VPS13B: variants seen among roughly 807,000 people sequenced by gnomAD.
The protein encoded by VPS13B is vacuolar protein sorting 13 homolog B.
Under a neutral mutation model 426.4 loss-of-function variants are expected in VPS13B, and 285 were observed. The ratio of observed to expected loss-of-function variants is 0.67; its 90% confidence interval spans 0.61 to 0.74. VPS13B has a LOEUF of 0.74. Ranked by LOEUF, VPS13B falls within the 30% of genes least tolerant of loss-of-function variation. The pLI, the probability that VPS13B is intolerant of heterozygous loss-of-function variation, is 0.00. For synonymous variants in VPS13B, 1,676 were observed against 1,676.4 expected (o/e 1.00, Z 0.01); for missense variants, 4,537 against 4,782.6 (o/e 0.95, Z 1.51).
At chr8:99,558,913 G>A (rs528902537) in intron 31 of VPS13B, among the ~76,000 whole-genome samples, 1 of 152,070 alleles carries the variant, frequency 6.6e-6, no homozygotes, top group African/African-American at 2.4e-5. Context: ...ATAATCCTTT[G>A]GGTATATACC....
chr8:99,797,134 G>A (rs1196275715), intron 43 of VPS13B: 2 of 152,206 alleles, frequency 1.3e-5, no homozygotes, highest in Non-Finnish European at 2.9e-5. Context: ...TGTTTGCTGA[G>A]AATGAAAGGG....
intron 33 of VPS13B, among the ~76,000 whole-genome samples, chr8:99,604,280 A>C (rs1352586082): frequency 6.6e-6 from 1 of 152,184 alleles, no homozygotes; most frequent in East Asian, 1.9e-4. Context: ...TCAACATTCT[A>C]CAATAATATG....
intron 17 of VPS13B, among the ~76,000 whole-genome samples, chr8:99,203,234 A>G (rs1482963738): frequency 6.6e-6 from 1 of 152,178 alleles, no homozygotes; most frequent in African/African-American, 2.4e-5. Context: ...AACATAATCC[A>G]TCACATAAAC....
chr8:99,110,679 GT>G (rs575427624), intron 5 of VPS13B, among the ~76,000 whole-genome samples: 5 of 151,544 alleles, frequency 3.3e-5, no homozygotes, highest in East Asian at 1.9e-4. Context: ...GTAGCAGTGA[GT>G]TTTTTTTAAT....
intron 19 of VPS13B, among the ~76,000 whole-genome samples, chr8:99,375,141 CCT>C (rs2133271384): frequency 6.6e-6 from 1 of 152,262 alleles, no homozygotes; most frequent in African/African-American, 2.4e-5. Flanking sequence ...GGTGGGATCC[CCT>C]GTGTCTAGAG....
intron 17 of VPS13B, among the ~76,000 whole-genome samples, chr8:99,251,586 A>G (rs1817514358): frequency 6.6e-6 from 1 of 152,074 alleles, no homozygotes; most frequent in Admixed American, 6.5e-5. Context: ...TATTTTTAAT[A>G]TTTTGATAAG....
chr8:99,518,222 G>T (rs980646184), intron 29 of VPS13B, among the ~76,000 whole-genome samples: 1 of 152,108 alleles, frequency 6.6e-6, no homozygotes, highest in Non-Finnish European at 1.5e-5. Context: ...CTGTAGCCTG[G>T]AAGAACAGTT....
chr8:99,250,637 T>C (rs534913937), intron 17 of VPS13B, among the ~76,000 whole-genome samples: 1 of 148,638 alleles, frequency 6.7e-6, no homozygotes, highest in African/African-American at 2.5e-5. Context: ...GGGTTCTTCA[T>C]TCTGTCCACT....
intron 17 of VPS13B, 128 bp downstream of exon 17, chr8:99,193,185 A>G: frequency 1.1e-6 from 1 of 951,180 alleles, no homozygotes; most frequent in Non-Finnish European, 1.6e-6. Flanking sequence ...GAATGTAGAT[A>G]TTTATAGCTT....
chr8:99,538,959 T>A (rs938213565), intron 30 of VPS13B, among the ~76,000 whole-genome samples: 1 of 152,206 alleles, frequency 6.6e-6, no homozygotes, highest in African/African-American at 2.4e-5. Flanking sequence ...ATTTAGATTA[T>A]AAAGGAAGAA....
intron 3 of VPS13B, among the ~76,000 whole-genome samples, chr8:99,050,794 G>A (rs1843500604): frequency 6.6e-6 from 1 of 152,210 alleles, no homozygotes. Context: ...GTGATGATGA[G>A]CAAGTTTTCA....
intron 35 of VPS13B, among the ~76,000 whole-genome samples, chr8:99,672,545 G>GT (rs1261675932): frequency 5.9e-5 from 9 of 151,932 alleles, no homozygotes; most frequent in Admixed American, 5.9e-4. Flanking sequence ...AGTTTTTAAG[G>GT]TTTTCTATAT....
chr8:99,472,264 A>C (rs1425142770), intron 24 of VPS13B, among the ~76,000 whole-genome samples: 2 of 152,090 alleles, frequency 1.3e-5, no homozygotes, highest in African/African-American at 2.4e-5. Flanking sequence ...CCTTGATCTA[A>C]TTGGCATTTA....
rs142716907 is a variant in VPS13B at position 99,201,109 on chromosome 8, T to G, written c.2515+8052T>G. The stretch of plus-strand genomic sequence containing the variant: ...AATTTTAGACTATTTTTCTTTCCTT[T>G]CTCTGTTTATCTTTGTTTTCTCCAT... On this transcript the variant is annotated intron_variant, in intron 17 of 61. Transcript: ENST00000357162. Among the ~76,000 whole-genome samples the G allele has an allele frequency of 6.6e-5, 10 of 152,224 alleles. No individual in the cohort carries two copies. The East Asian group carries it at 1.4e-3, about 21-fold the overall frequency.
chr8:99,713,109 G>C (rs16897595), intron 36 of VPS13B, among the ~76,000 whole-genome samples: 1 of 151,832 alleles, frequency 6.6e-6, no homozygotes, highest in Non-Finnish European at 1.5e-5. Flanking sequence ...GCATAATAGA[G>C]ATACCTAACA....
At chr8:99,124,098 C>T (rs1848074207) in intron 8 of VPS13B, among the ~76,000 whole-genome samples, 2 of 152,062 alleles carry the variant, frequency 1.3e-5, no homozygotes, top group African/African-American at 4.8e-5. Flanking sequence ...GAAGAAATAG[C>T]AAGGGAAGCT....
chr8:99,318,311 G>T (rs1268023165), intron 19 of VPS13B, among the ~76,000 whole-genome samples: 1 of 152,086 alleles, frequency 6.6e-6, no homozygotes, highest in East Asian at 1.9e-4. Flanking sequence ...TACTTATTGG[G>T]TAATATGGTA....
chr8:99,132,258 C>T (rs974645588), intron 8 of VPS13B, among the ~76,000 whole-genome samples: 7 of 152,118 alleles, frequency 4.6e-5, no homozygotes, highest in Non-Finnish European at 8.8e-5. Flanking sequence ...GCTGCTTTAT[C>T]GACTAAATAT....
intron 33 of VPS13B, among the ~76,000 whole-genome samples, chr8:99,592,885 CT>C (rs1826764086): frequency 1.3e-5 from 2 of 152,084 alleles, no homozygotes; most frequent in Non-Finnish European, 2.9e-5. Context: ...AACTGTACCC[CT>C]TCCTTACACC....
Sources: gnomAD v4.1 joint callset for allele counts (sites outside exome capture counted in the v4.1 genomes callset) on GRCh38, gnomAD v4.1.1 for gene constraint, MANE v1.5 for transcripts, NCBI Gene and HGNC (gene_info 2026-07-23, HGNC 2026-07-21) for gene names.